The following PCDHGA11 variants were observed in gnomAD, a reference collection of about 807,000 sequenced individuals.
The protein encoded by PCDHGA11 is protocadherin gamma-A11.
Under a neutral mutation model 60.4 loss-of-function variants are expected in PCDHGA11, and 39 were observed. The observed-to-expected ratio is 0.65, with a 90% CI of 0.50 to 0.84. The LOEUF is 0.84. PCDHGA11 is among the 40% of genes least tolerant of loss of function. The pLI is 0.00. For missense variants in PCDHGA11, 1,165 were observed against 1,197.7 expected (o/e 0.97, Z 0.40); for synonymous variants, 533 against 510.3 (o/e 1.04, Z -0.60).
chr5:141,429,879 A>T (rs2097250861), intron 1 of PCDHGA11, among the ~76,000 whole-genome samples: 1 of 152,210 alleles, frequency 6.6e-6, no homozygotes, highest in African/African-American at 2.4e-5. Context: ...TCTTTTACTA[A>T]GTTTCCTGAA....
At chr5:141,505,532 G>A in intron 3 of PCDHGA11, 51 bp downstream of exon 3, 2 of 1,611,270 alleles carry the variant, frequency 1.2e-6, no homozygotes, top group Non-Finnish European at 1.7e-6. Context: ...GGGGTTCTGG[G>A]GTGCATCTCA....
chr5:141,471,747 T>A (rs2099263878), intron 1 of PCDHGA11, among the ~76,000 whole-genome samples: 1 of 152,200 alleles, frequency 6.6e-6, no homozygotes, highest in African/African-American at 2.4e-5. Context: ...ACATAACATA[T>A]TTGAGGGTGT....
At chr5:141,436,991 T>G (rs1016670604) in intron 1 of PCDHGA11, among the ~76,000 whole-genome samples, 2 of 152,238 alleles carry the variant, frequency 1.3e-5, no homozygotes, top group African/African-American at 4.8e-5. Flanking sequence ...AGAAGCAGTT[T>G]ACTTCAATGG....
Position 141,511,403 on chromosome 5 carries a change from AC to A in PCDHGA11, c.*231del. ...TCCGCTGGGAACCCCCATCCAATCA[AC>A]TGCTGTACCCATGGGGGTAGTGGGG... is the stretch of plus-strand genomic sequence containing the variant. On this transcript the variant is annotated 3_prime_UTR_variant, in exon 4 of 4. Coordinates refer to ENST00000398587, the MANE Select transcript of PCDHGA11 (RefSeq NM_018914.3). 1.1e-6 allele frequency: 1 copy of A among 939,022 alleles called. No homozygotes were observed. The highest frequency in any genetic ancestry group is 1.5e-6 in the Non-Finnish European group (1 of 650,838). The allele number at this position is 939,022 out of a possible 1,614,324, so 58.2% of individuals were successfully genotyped here. A position where few individuals can be genotyped will look rare whatever the true frequency, so the allele number is the denominator to read the frequency against.
At chr5:141,509,908 G>A (rs376035312) in intron 3 of PCDHGA11, among the ~76,000 whole-genome samples, 1 of 152,164 alleles carries the variant, frequency 6.6e-6, no homozygotes, top group African/African-American at 2.4e-5. Flanking sequence ...TCCAGCATGC[G>A]CTTAGGTACA....
intron 3 of PCDHGA11, among the ~76,000 whole-genome samples, chr5:141,506,417 A>C (rs1326078146): frequency 6.8e-6 from 1 of 147,658 alleles, no homozygotes; most frequent in Non-Finnish European, 1.5e-5. Context: ...ACTGCACTCC[A>C]GCCTGGGCAA....
chr5:141,453,545 A>T (rs2098768582), intron 1 of PCDHGA11, among the ~76,000 whole-genome samples: 1 of 151,998 alleles, frequency 6.6e-6, no homozygotes, highest in African/African-American at 2.4e-5. Flanking sequence ...TTCACACCAC[A>T]CTCTGTAGAT....
rs1248714579 is a variant in PCDHGA11 at position 141,489,513 on chromosome 5, C to A, written c.2434-5294C>A. The A allele has an allele frequency of 6.2e-7, 1 of 1,614,000 alleles. No homozygotes were observed. Among genetic ancestry groups the A allele is most frequent in the African/African-American group, 1.3e-5 (1 of 74,918 alleles). ...CCCTGGCAGTGAATCAAAAGATTGACCGAGAAAGCCTATGTGGAGCCAGCA... is the reference window on the plus strand; with the variant it reads ...CCCTGGCAGTGAATCAAAAGATTGAACGAGAAAGCCTATGTGGAGCCAGCA... On this transcript the variant is annotated intron_variant, in intron 1 of 3. Coordinates refer to ENST00000398587, the MANE Select transcript of PCDHGA11 (RefSeq NM_018914.3). The surrounding 1 kb of genome is among the most constrained non-coding windows in gnomAD (Gnocchi z 4.5).
chr5:141,502,785 A>G (rs576095718), intron 2 of PCDHGA11, among the ~76,000 whole-genome samples: 2 of 150,900 alleles, frequency 1.3e-5, no homozygotes, highest in East Asian at 3.9e-4. Context: ...AATTACCTGG[A>G]TGATTTCTTC....
At chr5:141,445,086 A>T (rs190267063) in intron 1 of PCDHGA11, among the ~76,000 whole-genome samples, 163 of 152,322 alleles carry the variant, frequency 1.1e-3, no homozygotes, top group African/African-American at 3.6e-3. Flanking sequence ...TTGTCCCTAC[A>T]TATTTGATGT....
In PCDHGA11 at chr5:141,476,760, CG is replaced by C. The variant is rs1325258321; in HGVS notation, c.2434-18045del. The C allele has an allele frequency of 6.2e-7, 1 of 1,613,706 alleles. No individual in the cohort carries two copies. Among genetic ancestry groups the C allele is most frequent in the African/African-American group, 1.3e-5 (1 of 74,930 alleles). On this transcript the variant is annotated intron_variant, in intron 1 of 3. Coordinates refer to ENST00000398587, the MANE Select transcript of PCDHGA11 (RefSeq NM_018914.3). This position sits in a 1 kb window ranked among gnomAD's most constrained non-coding sequence, Gnocchi z 7.6. ...GAGCCTAGTCTCCAGTTAGTGCTGA[CG>C]GCGTTGGACGGAGGGACCCCAGCTC...
chr5:141,477,898 AG>A lies in PCDHGA11; in HGVS notation c.2434-16907del. The stretch of plus-strand genomic sequence containing the variant: ...CTGGCCACCTAGTGTCACGGGTGGT[AG>A]GCTGGGACGCGGATGCAGGGCACAA... On this transcript the variant is annotated intron_variant, in intron 1 of 3. Coordinates refer to ENST00000398587, the MANE Select transcript of PCDHGA11 (RefSeq NM_018914.3). The surrounding 1 kb of genome is among the most constrained non-coding windows in gnomAD (Gnocchi z 4.9). The A allele has an allele frequency of 6.2e-7, 1 of 1,614,158 alleles. No individual in the cohort carries two copies. Among genetic ancestry groups the A allele is most frequent in the Non-Finnish European group, 8.5e-7 (1 of 1,180,036 alleles).
chr5:141,472,980 C>CAAAAAAAAAAAAAAAAAAAGAAAAAAAAA (rs60579131), intron 1 of PCDHGA11, among the ~76,000 whole-genome samples: 1 of 86,106 alleles, frequency 1.2e-5, no homozygotes, highest in Admixed American at 1.2e-4. Context: ...GAGTGAAACT[C>CAAAAAAAAAAAAAAAAAAAGAAAAAAAAA]AAAAAAAAAA....
rs1304361659 is a variant in PCDHGA11 at position 141,494,859 on chromosome 5, C to T, written c.2486C>T (p.Thr829Ile). 2 of 1,614,134 alleles carry T rather than the reference C, an allele frequency of 1.2e-6. No individual in the cohort carries two copies. The highest frequency in any genetic ancestry group is 8.5e-7 in the Non-Finnish European group (1 of 1,180,012). Reference protein sequence around the residue: ...WRFSQAQRPGTSGSQNGDDTG... With the variant: ...WRFSQAQRPGISGSQNGDDTG... Reference sequence around the variant, plus strand: ...TTCTCTCAGGCCCAGAGACCCGGCACCAGCGGGTAGGTGACTGATTCTCCA... The same window carrying T: ...TTCTCTCAGGCCCAGAGACCCGGCATCAGCGGGTAGGTGACTGATTCTCCA... Residue 829 changes from threonine to isoleucine, a missense_variant, in exon 2 of 4, where the codon ACC becomes ATC. By Grantham distance (89) the Thr-to-Ile change is moderately conservative. Coordinates refer to ENST00000398587, the MANE Select transcript of PCDHGA11 (RefSeq NM_018914.3).
intron 2 of PCDHGA11, among the ~76,000 whole-genome samples, chr5:141,502,337 T>C (rs1562205634): frequency 6.6e-6 from 1 of 152,184 alleles, no homozygotes; most frequent in Admixed American, 6.5e-5. Flanking sequence ...CCCAGTCTTT[T>C]TATTTTTTTA....
chr5:141,424,134 A>G (rs1255504512), intron 1 of PCDHGA11: 7 of 444,220 alleles, frequency 1.6e-5, no homozygotes, highest in Non-Finnish European at 2.2e-5. Context: ...TTGATTTAAT[A>G]GCATGCTCCC....
At position 141,489,436 on chromosome 5, in the gene PCDHGA11, T is replaced by C. The variant is rs1002519; in HGVS notation, c.2434-5371T>C. 0.23 allele frequency: 369,130 copies of C among 1,613,832 alleles called. 44,340 individuals are homozygous for C. The highest frequency in any genetic ancestry group is 0.38 in the Admixed American group (23,024 of 60,000). On this transcript the variant is annotated intron_variant, in intron 1 of 3. Transcript: ENST00000398587. The surrounding 1 kb of genome is among the most constrained non-coding windows in gnomAD (Gnocchi z 4.5). ...AGATCTGTTGAGCCGGCGGCTGCAATTGGGCTCTGAGGAGAATGGGCGCTA... is the reference window on the plus strand; with the variant it reads ...AGATCTGTTGAGCCGGCGGCTGCAACTGGGCTCTGAGGAGAATGGGCGCTA...
In PCDHGA11 at chr5:141,422,587, CCTCA is replaced by C; in HGVS notation, c.1364_1367del (p.His455ProfsTer20). ...TGACAACGATAACCCTCCCGTTTTTCCTCACTCCTCTTACTCTGCCTACATTCCC... is the reference window on the plus strand; with the variant it reads ...TGACAACGATAACCCTCCCGTTTTTCCTCCTCTTACTCTGCCTACATTCCC... On this transcript the variant is annotated frameshift_variant, in exon 1 of 4. Coordinates refer to ENST00000398587, the MANE Select transcript of PCDHGA11 (RefSeq NM_018914.3). LOFTEE classifies it high-confidence loss of function. The C allele has an allele frequency of 6.2e-7, 1 of 1,614,032 alleles. No individual in the cohort carries two copies. Among genetic ancestry groups the C allele is most frequent in the Non-Finnish European group, 8.5e-7 (1 of 1,179,954 alleles).
In PCDHGA11 at chr5:141,431,561, G is replaced by T; in HGVS notation, c.2433+7901G>T. The T allele has an allele frequency of 6.2e-7, 1 of 1,614,146 alleles. No homozygotes were observed. On this transcript the variant is annotated intron_variant, in intron 1 of 3. Transcript: ENST00000398587. This position sits in a 1 kb window ranked among gnomAD's most constrained non-coding sequence, Gnocchi z 4.8. Reference sequence around the variant, plus strand: ...GCAGCTGCTTGTAGTCAACGCTACCGACCCTGACGAAGGAGTCAATGCGGA... The same window carrying T: ...GCAGCTGCTTGTAGTCAACGCTACCTACCCTGACGAAGGAGTCAATGCGGA...
Sources: allele counts gnomAD v4.1 joint callset (sites outside exome capture counted in the v4.1 genomes callset), GRCh38; gene constraint gnomAD v4.1.1; non-coding constraint Gnocchi (gnomAD v3.1); transcripts MANE v1.5; gene names NCBI Gene and HGNC (gene_info 2026-07-23, HGNC 2026-07-21).